The following PARVA variants were observed in gnomAD, a reference collection of about 807,000 sequenced individuals.
The protein encoded by PARVA is alpha-parvin.
PARVA carries 25 observed loss-of-function variants against 52.6 expected under a neutral mutation model. The observed-to-expected ratio is 0.48, with a 90% CI of 0.35 to 0.66. PARVA has a LOEUF of 0.66. Ranked by LOEUF, PARVA falls within the 30% of genes least tolerant of loss-of-function variation. The probability of loss-of-function intolerance (pLI) is 0.01; values close to 1 mark genes in which losing one functional copy is unlikely to be tolerated. For missense variants in PARVA, 373 were observed against 450.9 expected (o/e 0.83, Z 1.56); for synonymous variants, 185 against 179.1 (o/e 1.03, Z -0.26).
In PARVA at chr11:12,474,236, G is replaced by A. The variant is rs577620203; in HGVS notation, c.297+253G>A. Among the ~76,000 whole-genome samples, 4 of 152,244 alleles carry A rather than the reference G, an allele frequency of 2.6e-5. No homozygotes were observed. The East Asian group carries it at 5.8e-4, about 22-fold the overall frequency. ...GACAGTTCAGTACAGGTAAGCTCAC[G>A]ATGGCCAGGATTCCAGAGTGCACAA... is the stretch of plus-strand genomic sequence containing the variant. On this transcript the variant is annotated intron_variant, in intron 3 of 12. Coordinates refer to ENST00000334956, the MANE Select transcript of PARVA (RefSeq NM_018222.5).
chr11:12,472,196 C>T (rs939985284), intron 1 of PARVA, among the ~76,000 whole-genome samples: 2 of 152,160 alleles, frequency 1.3e-5, no homozygotes, highest in Non-Finnish European at 2.9e-5. Context: ...ACATAAAATA[C>T]ACTAAACACT....
intron 1 of PARVA, among the ~76,000 whole-genome samples, chr11:12,414,478 C>CTTAAA (rs891710042): frequency 6.6e-6 from 1 of 152,186 alleles, no homozygotes; most frequent in Non-Finnish European, 1.5e-5. Flanking sequence ...GCTGGAGGAT[C>CTTAAA]TTAACGCTCT....
chr11:12,420,032 A>C (rs992914147), intron 1 of PARVA, among the ~76,000 whole-genome samples: 3 of 152,216 alleles, frequency 2.0e-5, no homozygotes, highest in African/African-American at 7.2e-5. Flanking sequence ...TCTGTTCAGT[A>C]ATGTTCCGAA....
chr11:12,457,024 A>C (rs993151315), intron 1 of PARVA, among the ~76,000 whole-genome samples: 1 of 152,188 alleles, frequency 6.6e-6, no homozygotes, highest in Non-Finnish European at 1.5e-5. Context: ...CTCTATGCTT[A>C]TATTGTGCGT....
chr11:12,472,687 TA>T (rs954012971), intron 1 of PARVA, among the ~76,000 whole-genome samples: 1 of 151,892 alleles, frequency 6.6e-6, no homozygotes, highest in African/African-American at 2.4e-5. Context: ...CCAGAGTCAA[TA>T]AAAAAAATAA....
chr11:12,399,157 A>G (rs566466926), intron 1 of PARVA, among the ~76,000 whole-genome samples: 1 of 152,322 alleles, frequency 6.6e-6, no homozygotes, highest in South Asian at 2.1e-4. Context: ...TATATATTAC[A>G]TTTCTATAGA....
intron 3 of PARVA, among the ~76,000 whole-genome samples, 157 bp downstream of exon 3, chr11:12,474,140 C>T (rs1228637999): frequency 1.3e-5 from 2 of 152,032 alleles, no homozygotes; most frequent in Admixed American, 6.6e-5. Context: ...AGATGGCCAT[C>T]GAAAACGTAA....
intron 12 of PARVA, among the ~76,000 whole-genome samples, chr11:12,527,500 C>G (rs894838145): frequency 6.6e-6 from 1 of 152,168 alleles, no homozygotes; most frequent in Admixed American, 6.5e-5. Context: ...TGTGAGGCAG[C>G]TTGAGTCCTA....
chr11:12,388,512 G>C (rs1164765941), intron 1 of PARVA, among the ~76,000 whole-genome samples: 2 of 152,098 alleles, frequency 1.3e-5, no homozygotes, highest in African/African-American at 4.8e-5. Context: ...AAAGAAGAAT[G>C]AACCAAATCA....
intron 1 of PARVA, among the ~76,000 whole-genome samples, chr11:12,451,390 G>A (rs1165796584): frequency 6.6e-6 from 1 of 151,774 alleles, no homozygotes; most frequent in Non-Finnish European, 1.5e-5. Flanking sequence ...TCCTGCTGCT[G>A]GATACTCACG....
chr11:12,427,120 G>T (rs867770129), intron 1 of PARVA, among the ~76,000 whole-genome samples: 1 of 151,940 alleles, frequency 6.6e-6, no homozygotes, highest in African/African-American at 2.4e-5. Flanking sequence ...AATAAGACAG[G>T]GTTTTAAATT....
intron 4 of PARVA, among the ~76,000 whole-genome samples, chr11:12,485,295 G>A (rs1025854978): frequency 6.6e-6 from 1 of 152,116 alleles, no homozygotes; most frequent in African/African-American, 2.4e-5. Context: ...TCAGGGTTGG[G>A]TGACTGGGAT....
At chr11:12,481,751 G>A (rs144702315) in intron 4 of PARVA, among the ~76,000 whole-genome samples, 17 of 152,280 alleles carry the variant, frequency 1.1e-4, no homozygotes, top group African/African-American at 3.9e-4. Context: ...AGTTGTTTGG[G>A]CAGCGAGCTG....
intron 1 of PARVA, among the ~76,000 whole-genome samples, chr11:12,379,784 T>A (rs1489686044): frequency 6.6e-6 from 1 of 152,234 alleles, no homozygotes; most frequent in African/African-American, 2.4e-5. Flanking sequence ...CCACATTGGT[T>A]ATTTTGGTAA....
At chr11:12,513,663 G>A (rs940026240) in intron 9 of PARVA, 10 of 593,770 alleles carry the variant, frequency 1.7e-5, no homozygotes, top group Non-Finnish European at 2.7e-5. Flanking sequence ...CACCTGTGCC[G>A]AAGAAGGGAC....
chr11:12,496,373 A>G, intron 4 of PARVA, 85 bp from the exon 5 acceptor site: 1 of 1,000,326 alleles, frequency 1.0e-6, no homozygotes, highest in Non-Finnish European at 1.4e-6. Flanking sequence ...AGTGCATGAG[A>G]GACCGAATAA....
At chr11:12,391,037 G>C (rs969540747) in intron 1 of PARVA, among the ~76,000 whole-genome samples, 1 of 152,168 alleles carries the variant, frequency 6.6e-6, no homozygotes, top group African/African-American at 2.4e-5. Context: ...CCAGAGAACA[G>C]AATGATCCCT....
chr11:12,456,264 CG>C (rs1205118073), intron 1 of PARVA, among the ~76,000 whole-genome samples: 1 of 152,184 alleles, frequency 6.6e-6, no homozygotes, highest in Non-Finnish European at 1.5e-5. Context: ...CTGGGCATTT[CG>C]TATGTGCCAT....
At chr11:12,525,055 G>A (rs1159230179) in intron 12 of PARVA, among the ~76,000 whole-genome samples, 1 of 152,212 alleles carries the variant, frequency 6.6e-6, no homozygotes, top group East Asian at 1.9e-4. Flanking sequence ...CAGCATAGGC[G>A]GAGGCCAAGC....
Sources: gnomAD v4.1 joint callset for allele counts (sites outside exome capture counted in the v4.1 genomes callset) on GRCh38, gnomAD v4.1.1 for gene constraint, MANE v1.5 for transcripts, NCBI Gene and HGNC (gene_info 2026-07-23, HGNC 2026-07-21) for gene names.